The following TRRAP variants were observed in gnomAD, a reference collection of about 807,000 sequenced individuals.
TRRAP encodes transformation/transcription domain-associated protein.
Under a neutral mutation model 438.8 loss-of-function variants are expected in TRRAP, and 41 were observed. The observed-to-expected ratio is 0.09, with a 90% confidence interval of 0.07 to 0.12. TRRAP has a LOEUF of 0.12. TRRAP is among the 10% of genes least tolerant of loss of function. The pLI is 1.00. For missense variants in TRRAP, 3,122 were observed against 5,055.1 expected, an observed-to-expected ratio of 0.62 and a Z score of 11.60; for synonymous variants, 1,994 against 1,962.9, an observed-to-expected ratio of 1.02 and a Z score of -0.42.
chr7:98,993,786 GGTGTTCT>G lies in TRRAP; in HGVS notation c.10047+52_10047+58del, dbSNP rs1408380363. On this transcript the variant is annotated intron_variant, in intron 66 of 72. Transcript: ENST00000456197. Reference sequence around the variant, plus strand: ...TGGTGGCTCCTTGTAGAGGGGACGTGGTGTTCTGTATGCTTCTGTGGCTCTCTTCCCT... The same window carrying G: ...TGGTGGCTCCTTGTAGAGGGGACGTGGTATGCTTCTGTGGCTCTCTTCCCT... 2.5e-6 allele frequency: 4 copies of G among 1,585,006 alleles called. No homozygotes were observed. The African/African-American group carries it at 5.4e-5, about 21-fold the overall frequency.
At chr7:98,901,147 C>T (rs1554406627) in intron 11 of TRRAP, among the ~76,000 whole-genome samples, 2 of 152,230 alleles carry the variant, frequency 1.3e-5, no homozygotes, top group African/African-American at 2.4e-5. Flanking sequence ...GTTGCTTACA[C>T]GGTAGCAATT....
intron 18 of TRRAP, 43 bp from the exon 19 acceptor site, chr7:98,915,680 C>T (rs1171635788): frequency 6.3e-7 from 1 of 1,599,178 alleles, no homozygotes; most frequent in Non-Finnish European, 8.5e-7. Context: ...TATAGACCCT[C>T]CTCATTTAGA....
intron 69 of TRRAP, among the ~76,000 whole-genome samples, chr7:99,007,395 C>A (rs566011555): frequency 5.9e-5 from 9 of 152,256 alleles, no homozygotes; most frequent in Admixed American, 5.2e-4. Context: ...CTCATTCAGG[C>A]TGGAGTGCAG....
intron 7 of TRRAP, among the ~76,000 whole-genome samples, chr7:98,896,559 G>A (rs536573529): frequency 3.9e-5 from 6 of 152,042 alleles, no homozygotes; most frequent in South Asian, 2.1e-4. Flanking sequence ...ACAGGCGTGC[G>A]GCACCCACCC....
chr7:98,975,001 A>G (rs1439389366), intron 53 of TRRAP, among the ~76,000 whole-genome samples: 1 of 152,178 alleles, frequency 6.6e-6, no homozygotes, highest in African/African-American at 2.4e-5. Flanking sequence ...CAGCTTTATC[A>G]GCAGGTCAGT....
chr7:98,949,096 G>A (rs1490620134), intron 35 of TRRAP, among the ~76,000 whole-genome samples: 1 of 152,126 alleles, frequency 6.6e-6, no homozygotes, highest in Admixed American at 6.5e-5. Flanking sequence ...AGCCGGGCAC[G>A]GTGGCACATG....
chr7:98,896,934 T>TA (rs1160008695), intron 7 of TRRAP, among the ~76,000 whole-genome samples: 6 of 140,302 alleles, frequency 4.3e-5, no homozygotes, highest in African/African-American at 1.3e-4. Context: ...TCCTGGCTTT[T>TA]AAAAATGTCC....
chr7:98,939,683 C>G (rs1198122690), intron 30 of TRRAP, among the ~76,000 whole-genome samples: 4 of 152,204 alleles, frequency 2.6e-5, no homozygotes, highest in Non-Finnish European at 5.9e-5. Flanking sequence ...TACATCACTT[C>G]CTAATCAGAG....
At chr7:98,916,029 C>A (rs879953929) in intron 19 of TRRAP, 141 bp downstream of exon 19, 199 of 1,127,610 alleles carry the variant, frequency 1.8e-4, no homozygotes, top group Non-Finnish European at 2.4e-4. Flanking sequence ...TCCGCCGCCC[C>A]CCTGCCCCCC....
At chr7:98,909,905 C>G (rs574345897) in intron 14 of TRRAP, 151 bp from the exon 15 acceptor site, 32 of 1,402,824 alleles carry the variant, frequency 2.3e-5, no homozygotes, top group Non-Finnish European at 3.0e-5. Flanking sequence ...ATGGCAAAAA[C>G]TGCAATTCCT....
intron 53 of TRRAP, among the ~76,000 whole-genome samples, chr7:98,972,389 AC>A (rs1384545927): frequency 6.6e-6 from 1 of 152,264 alleles, no homozygotes; most frequent in Non-Finnish European, 1.5e-5. Context: ...TAATTTCTCC[AC>A]CACCATCTCT....
intron 14 of TRRAP, 44 bp from the exon 15 acceptor site, chr7:98,910,012 G>T: frequency 6.6e-7 from 1 of 1,523,880 alleles, no homozygotes; most frequent in Non-Finnish European, 8.8e-7. Flanking sequence ...GCCTGTTGAA[G>T]AAGAATAATT....
At chr7:98,972,071 G>A (rs1481515845) in intron 53 of TRRAP, 126 bp downstream of exon 53, 4 of 1,325,652 alleles carry the variant, frequency 3.0e-6, no homozygotes, top group Non-Finnish European at 4.0e-6. Flanking sequence ...GAGATGGGAT[G>A]TTGCTTTGTC....
Position 98,949,832 on chromosome 7 carries a change from A to G in TRRAP, c.5126A>G (p.Asn1709Ser), listed in dbSNP as rs145683470. 8 of 1,613,088 alleles carry G rather than the reference A, an allele frequency of 5.0e-6. No homozygotes were observed. The East Asian group carries it at 1.8e-4, about 36-fold the overall frequency. ...EPKLLAYCLL[N>S]YCKRNYGDIE... The stretch of plus-strand genomic sequence containing the variant: ...AAGCTGCTGGCCTACTGCCTGCTGA[A>G]CTACTGCAAGTGGGTGCCTCCTCCC... Residue 1709 changes from asparagine to serine, a missense_variant, in exon 37 of 73, where the codon AAC (asparagine) becomes AGC (serine). Physicochemically the swap from Asn to Ser is conservative, Grantham distance 46. This residue lies in a region of TRRAP where 272 missense variants were observed against 348.5 expected (regional missense o/e 0.78). Transcript: ENST00000456197.
At chr7:98,900,809 G>C (rs1451111597) in intron 11 of TRRAP, 89 bp downstream of exon 11, 2 of 1,057,598 alleles carry the variant, frequency 1.9e-6, no homozygotes, top group African/African-American at 3.2e-5. Flanking sequence ...TCTAGGAATT[G>C]ACAAATATTG....
chr7:99,012,541 A>G lies in TRRAP; in HGVS notation c.*186A>G. 3 of 720,306 alleles carry G rather than the reference A, an allele frequency of 4.2e-6. No homozygotes were observed. Among genetic ancestry groups the G allele is most frequent in the Non-Finnish European group, 6.6e-6 (3 of 457,068 alleles). 44.6% of individuals were successfully genotyped at this position (720,306 alleles called of 1,614,324 possible). On this transcript the variant is annotated 3_prime_UTR_variant, in exon 73 of 73. Coordinates refer to ENST00000456197, the MANE Select transcript of TRRAP (RefSeq NM_001375524.1). This position sits in a 1 kb window ranked among gnomAD's most constrained non-coding sequence, Gnocchi z 5.9. ...ATATAGTTTTAGAGGAAGCTGAACT[A>G]TGACGATGCTGGGCGAAGCGGTTGG... is the stretch of plus-strand genomic sequence containing the variant.
intron 23 of TRRAP, among the ~76,000 whole-genome samples, chr7:98,928,545 T>G (rs530157462): frequency 1.3e-5 from 2 of 152,310 alleles, no homozygotes; most frequent in South Asian, 4.1e-4. Context: ...AAACTAAGCT[T>G]CTCAGTAACT....
chr7:98,900,530 C>G, intron 10 of TRRAP, 94 bp from the exon 11 acceptor site: 1 of 1,043,586 alleles, frequency 9.6e-7, no homozygotes. Context: ...GTGTGGAAAT[C>G]AATCTTTTGG....
At chr7:98,972,834 G>A (rs2116714794) in intron 53 of TRRAP, among the ~76,000 whole-genome samples, 1 of 152,296 alleles carries the variant, frequency 6.6e-6, no homozygotes, top group South Asian at 2.1e-4. Flanking sequence ...TTGTGCACTG[G>A]ATCAGTCTTT....
Sources: allele counts gnomAD v4.1 joint callset (sites outside exome capture counted in the v4.1 genomes callset), GRCh38; gene constraint gnomAD v4.1.1; regional missense constraint gnomAD v4.1.1; non-coding constraint Gnocchi (gnomAD v3.1); transcripts MANE v1.5; gene names NCBI Gene and HGNC (gene_info 2026-07-23, HGNC 2026-07-21).